The following ALG14 variants were observed in gnomAD, a reference collection of about 807,000 sequenced individuals.
ALG14 encodes UDP-N-acetylglucosamine transferase subunit ALG14.
A neutral mutation model predicts 22.8 loss-of-function variants in ALG14; 17 were observed. The ratio of observed to expected loss-of-function variants is 0.75; its 90% CI spans 0.51 to 1.12. ALG14 has a LOEUF of 1.12. Among genes scored for constraint, ALG14 ranks in the 50% most tolerant of loss-of-function variants. The pLI is 0.00. For missense variants in ALG14, 288 were observed against 271.8 expected (o/e 1.06, Z -0.42); for synonymous variants, 89 against 103.7 (o/e 0.86, Z 0.86).
intron 1 of ALG14, 97 bp from the exon 2 acceptor site, chr1:95,065,114 G>C (rs72720257): frequency 6.7e-6 from 7 of 1,051,534 alleles, no homozygotes; most frequent in African/African-American, 6.5e-5. Context: ...GGTTGGGGGT[G>C]GGGGGGCACT....
At chr1:95,006,443 A>G (rs1673223513) in intron 3 of ALG14, among the ~76,000 whole-genome samples, 1 of 152,210 alleles carries the variant, frequency 6.6e-6, no homozygotes, top group African/African-American at 2.4e-5. Context: ...GGACATATAT[A>G]AATTGAATTG....
chr1:95,002,316 AG>A (rs1225071879), intron 3 of ALG14, among the ~76,000 whole-genome samples: 1 of 151,242 alleles, frequency 6.6e-6, no homozygotes, highest in Non-Finnish European at 1.5e-5. Flanking sequence ...CAGATCAGGG[AG>A]GAGAAAGACA....
chr1:94,976,308 G>A lies in ALG14; in HGVS notation c.*6768C>T, dbSNP rs969211621. ...ATTAGAGAACTTGGATACTAAGGTA[G>A]GAGTTTGGTGGCCCAAGTGAAAGGT... On this transcript the variant is annotated 3_prime_UTR_variant, in exon 4 of 4. Coordinates refer to ENST00000370205, the MANE Select transcript of ALG14 (RefSeq NM_144988.4). The A allele has an allele frequency of 5.1e-4, 78 of 152,178 alleles. No individual in the cohort carries two copies. The highest frequency in any genetic ancestry group is 1.9e-3 in the African/African-American group (77 of 41,444). The allele number at this position is 152,178 out of a possible 1,614,324, so 9.4% of individuals were successfully genotyped here.
chr1:95,026,395 C>A (rs565080948), intron 3 of ALG14, among the ~76,000 whole-genome samples: 1 of 151,834 alleles, frequency 6.6e-6, no homozygotes, highest in South Asian at 2.1e-4. Context: ...ACTGAGAGGC[C>A]ACTGCAGGGT....
At chr1:95,067,697 C>T (rs1354410531) in intron 1 of ALG14, among the ~76,000 whole-genome samples, 5 of 152,182 alleles carry the variant, frequency 3.3e-5, no homozygotes, top group African/African-American at 1.2e-4. Context: ...ACCTCTCATA[C>T]GGATTATGAA....
intron 2 of ALG14, among the ~76,000 whole-genome samples, chr1:95,055,298 T>C (rs1334170924): frequency 1.3e-5 from 2 of 152,226 alleles, no homozygotes; most frequent in Non-Finnish European, 2.9e-5. Flanking sequence ...CAAAGATTCA[T>C]AGTAAATTAT....
chr1:95,024,139 G>A (rs1194001509), intron 3 of ALG14, among the ~76,000 whole-genome samples: 1 of 152,124 alleles, frequency 6.6e-6, no homozygotes, highest in Non-Finnish European at 1.5e-5. Context: ...ATTCGATCCG[G>A]CTAATTTTTT....
chr1:95,032,277 T>G (rs1243243233), intron 2 of ALG14, among the ~76,000 whole-genome samples: 2 of 152,076 alleles, frequency 1.3e-5, no homozygotes, highest in Non-Finnish European at 2.9e-5. Context: ...ATATTTAGAA[T>G]ATAGAAAGGA....
chr1:95,060,197 G>T (rs1012165460), intron 2 of ALG14, among the ~76,000 whole-genome samples: 2 of 151,044 alleles, frequency 1.3e-5, no homozygotes, highest in African/African-American at 4.9e-5. Context: ...CCCAGTGGTG[G>T]CCAGCAGAAA....
chr1:94,982,690 A>G lies in ALG14; in HGVS notation c.*386T>C, dbSNP rs1672523871. On this transcript the variant is annotated 3_prime_UTR_variant, in exon 4 of 4. Coordinates refer to ENST00000370205, the MANE Select transcript of ALG14 (RefSeq NM_144988.4). ...TTTTCTCTCTTCTTTTACAATGCAG[A>G]ATACTTTACAAAAAAAAAAAAAAAA... 1 of 147,378 alleles carries G rather than the reference A, an allele frequency of 6.8e-6. No homozygotes were observed. The highest frequency in any genetic ancestry group is 1.4e-5 in the Non-Finnish European group (1 of 71,160). The allele number at this position is 147,378 out of a possible 1,614,324, so 9.1% of individuals were successfully genotyped here. A position where few individuals can be genotyped will look rare whatever the true frequency, so the allele number is the denominator to read the frequency against.
chr1:95,005,997 C>T (rs919266879), intron 3 of ALG14, among the ~76,000 whole-genome samples: 8 of 152,122 alleles, frequency 5.3e-5, no homozygotes, highest in East Asian at 1.9e-4. Context: ...ACTGAATTGT[C>T]CTAAATAGAA....
intron 2 of ALG14, among the ~76,000 whole-genome samples, chr1:95,060,134 ACACACACACACACACACAC>A: frequency 5.9e-4 from 1 of 1,694 alleles, no homozygotes; most frequent in African/African-American, 2.6e-3. Context: ...ACACAAACAC[ACACACACACACACACACAC>A]ACACACACAC....
intron 3 of ALG14, among the ~76,000 whole-genome samples, chr1:94,994,808 T>C (rs1672867560): frequency 1.3e-5 from 2 of 152,350 alleles, no homozygotes; most frequent in South Asian, 4.1e-4. Context: ...AAAGGTTAAA[T>C]TCTGGCATTT....
intron 2 of ALG14, among the ~76,000 whole-genome samples, chr1:95,045,310 A>G (rs1026046776): frequency 3.3e-5 from 5 of 152,210 alleles, no homozygotes; most frequent in African/African-American, 1.2e-4. Context: ...AACAAAACAC[A>G]GTATGACTAA....
intron 3 of ALG14, among the ~76,000 whole-genome samples, chr1:94,995,644 G>A (rs979821481): frequency 6.6e-6 from 1 of 152,218 alleles, no homozygotes; most frequent in Non-Finnish European, 1.5e-5. Flanking sequence ...ACCTGGCGGG[G>A]CAGAGGATGC....
chr1:94,989,875 G>GAACAA (rs1200233150), intron 3 of ALG14, among the ~76,000 whole-genome samples: 1 of 152,194 alleles, frequency 6.6e-6, no homozygotes, highest in Non-Finnish European at 1.5e-5. Flanking sequence ...TAGATGGGAG[G>GAACAA]AACAAAGATT....
intron 1 of ALG14, among the ~76,000 whole-genome samples, chr1:95,065,667 C>A (rs539910265): frequency 1.3e-5 from 2 of 152,220 alleles, no homozygotes; most frequent in South Asian, 4.2e-4. Flanking sequence ...GTGAAGGGGG[C>A]ATGAGCGCTG....
At chr1:95,039,053 C>T (rs1353840399) in intron 2 of ALG14, among the ~76,000 whole-genome samples, 4 of 152,130 alleles carry the variant, frequency 2.6e-5, no homozygotes, top group Admixed American at 2.6e-4. Context: ...GTAAATCAGG[C>T]TTCATGAAGA....
At chr1:95,044,404 G>T (rs1674478792) in intron 2 of ALG14, among the ~76,000 whole-genome samples, 1 of 152,038 alleles carries the variant, frequency 6.6e-6, no homozygotes, top group Non-Finnish European at 1.5e-5. Flanking sequence ...GGCTTACAAG[G>T]TCCTAAATTA....
Sources: allele counts gnomAD v4.1 joint callset (sites outside exome capture counted in the v4.1 genomes callset), GRCh38; gene constraint gnomAD v4.1.1; transcripts MANE v1.5; gene names NCBI Gene and HGNC (gene_info 2026-07-23, HGNC 2026-07-21).